Variants in PAK4 observed in about 807,000 individuals in gnomAD.
PAK4 encodes the protein serine/threonine-protein kinase PAK 4.
In PAK4, 49 loss-of-function variants were observed where a neutral mutation model predicts 53.5. That is an observed-to-expected ratio of 0.92 (90% CI 0.73 to 1.16). PAK4 has a LOEUF of 1.16. PAK4 is among the 50% of genes most tolerant of loss of function. PAK4 has a pLI of 0.00. For missense variants in PAK4, 824 were observed against 850.7 expected, an observed-to-expected ratio of 0.97 and a Z score of 0.39; for synonymous variants, 376 against 375.6, an observed-to-expected ratio of 1.00 and a Z score of -0.01.
intron 1 of PAK4, among the ~76,000 whole-genome samples, 185 bp downstream of exon 1, chr19:39,126,104 C>T (rs1268868115): frequency 6.6e-6 from 1 of 151,916 alleles, no homozygotes; most frequent in Non-Finnish European, 1.5e-5. Context: ...GAGATCAAAC[C>T]AGCGAAGGGG....
chr19:39,127,344 TC>T, intron 1 of PAK4, among the ~76,000 whole-genome samples: 1 of 152,160 alleles, frequency 6.6e-6, no homozygotes, highest in East Asian at 1.9e-4. Context: ...ACCTTCCTGT[TC>T]CTTCTGCTGG....
chr19:39,153,993 G>A lies in PAK4; in HGVS notation c.-22-15539G>A, dbSNP rs561283313. 1.5e-4 allele frequency among the ~76,000 whole-genome samples: 23 copies of A among 152,246 alleles called. No individual in the cohort carries two copies. The South Asian group carries it at 3.3e-3, about 22-fold the overall frequency. ...TGCCTGGCTTTGAACCTTAAAGTCC[G>A]AGGATGGAGTATTGTTCGATGTTTT... On this transcript the variant is annotated intron_variant, in intron 1 of 8. Coordinates refer to ENST00000358301, the Ensembl canonical transcript of PAK4.
At chr19:39,179,572 C>G (rs1471288008), downstream of PAK4, 1 of 152,080 alleles carries the variant, frequency 6.6e-6, no homozygotes, top group Admixed American at 6.6e-5. Context: ...TAAGCTCCCC[C>G]AGCCTGCCAC....
chr19:39,153,299 C>G (rs896962045), intron 1 of PAK4, among the ~76,000 whole-genome samples: 1 of 152,210 alleles, frequency 6.6e-6, no homozygotes, highest in African/African-American at 2.4e-5. Context: ...CACTCCATCA[C>G]CCAGGCTGAA....
intron 1 of PAK4, among the ~76,000 whole-genome samples, chr19:39,157,383 C>G (rs1430984135): frequency 2.0e-5 from 3 of 152,068 alleles, no homozygotes; most frequent in Non-Finnish European, 4.4e-5. Context: ...CTTTGGGAGT[C>G]TCTGCATCTC....
At chr19:39,157,161 G>A (rs2074198934) in intron 1 of PAK4, among the ~76,000 whole-genome samples, 1 of 152,086 alleles carries the variant, frequency 6.6e-6, no homozygotes, top group South Asian at 2.1e-4. Flanking sequence ...CCCTGGAGTT[G>A]ACTGGGTGTG....
rs1276541488 is a variant in PAK4, at chr19:39,175,488, G to A, written c.1359+50G>A. On this transcript the variant is annotated intron_variant, in intron 6 of 8. Coordinates refer to ENST00000358301, the Ensembl canonical transcript of PAK4. The surrounding 1 kb of genome is among the most constrained non-coding windows in gnomAD (Gnocchi z 4.7). ...GGGGGCGGCAGGTTTCCGGCTGCGG[G>A]GCTTCCCTGCCTCTTCCCATCCCCT... 1.3e-6 allele frequency: 2 copies of A among 1,544,026 alleles called. No homozygotes were observed. Among genetic ancestry groups the A allele is most frequent in the South Asian group, 2.4e-5 (2 of 83,528 alleles).
intron 1 of PAK4, among the ~76,000 whole-genome samples, chr19:39,167,099 C>T (rs1388789968): frequency 2.0e-5 from 3 of 152,216 alleles, no homozygotes; most frequent in African/African-American, 7.2e-5. Context: ...CTGCTCTTGC[C>T]CCGTCCCCAG....
intron 1 of PAK4, among the ~76,000 whole-genome samples, chr19:39,166,411 T>A (rs567175525): frequency 6.6e-6 from 1 of 152,298 alleles, no homozygotes; most frequent in South Asian, 2.1e-4. Context: ...ACCACTGCAC[T>A]CCAGCCTGGG....
chr19:39,147,443 C>A (rs563022922), intron 1 of PAK4, among the ~76,000 whole-genome samples: 4 of 152,294 alleles, frequency 2.6e-5, no homozygotes, highest in African/African-American at 9.6e-5. Context: ...CTATTACAGA[C>A]AAAGCCACTA....
intron 1 of PAK4, among the ~76,000 whole-genome samples, chr19:39,133,540 C>T (rs906453138): frequency 1.3e-5 from 2 of 152,124 alleles, no homozygotes; most frequent in African/African-American, 2.4e-5. Context: ...GGCTGGTAAT[C>T]GCTGTGGCCG....
At chr19:39,130,165 G>A in intron 1 of PAK4, among the ~76,000 whole-genome samples, 1 of 150,626 alleles carries the variant, frequency 6.6e-6, no homozygotes, top group Non-Finnish European at 1.5e-5. Context: ...GTGGGGTGGT[G>A]GGACCCAGGC....
chr19:39,165,371 C>T lies in PAK4; in HGVS notation c.-22-4161C>T, dbSNP rs899180212. On this transcript the variant is annotated intron_variant, in intron 1 of 8. Transcript: ENST00000358301. ...CAAAAAAAAAAAAAAAAAAATTAGC[C>T]GGGCATGGTGGTGGGCACCTATAGT... Among the ~76,000 whole-genome samples the T allele has an allele frequency of 2.6e-3, 378 of 147,680 alleles. 2 individuals are homozygous for T. The highest frequency in any genetic ancestry group is 9.1e-3 in the African/African-American group (366 of 40,440).
intron 1 of PAK4, among the ~76,000 whole-genome samples, chr19:39,128,144 C>T (rs780180551): frequency 6.6e-5 from 10 of 152,184 alleles, no homozygotes; most frequent in African/African-American, 1.2e-4. Context: ...TGAGGACCTC[C>T]GTTTCCACTT....
At chr19:39,171,343 G>A (rs769724519) in intron 2 of PAK4, among the ~76,000 whole-genome samples, 13 of 152,100 alleles carry the variant, frequency 8.5e-5, no homozygotes, top group African/African-American at 1.2e-4. Flanking sequence ...CGCGTAGCTG[G>A]GATTACAGGC....
At chr19:39,128,053 C>A (rs990264968) in intron 1 of PAK4, among the ~76,000 whole-genome samples, 1 of 152,086 alleles carries the variant, frequency 6.6e-6, no homozygotes, top group African/African-American at 2.4e-5. Context: ...CTGCCTGAGG[C>A]CTTGATGGAG....
chr19:39,172,313 G>A (rs769672143), intron 2 of PAK4, among the ~76,000 whole-genome samples: 35 of 152,112 alleles, frequency 2.3e-4, no homozygotes, highest in Admixed American at 6.5e-4. Context: ...ACAGAGGGTG[G>A]GGACCGGGTG....
chr19:39,137,787 C>G (rs2073842618), intron 1 of PAK4, among the ~76,000 whole-genome samples: 1 of 151,916 alleles, frequency 6.6e-6, no homozygotes, highest in Non-Finnish European at 1.5e-5. Flanking sequence ...CTGCCTCAGC[C>G]TCCGGAGTAG....
intron 1 of PAK4, among the ~76,000 whole-genome samples, chr19:39,133,014 A>G (rs970887874): frequency 6.6e-6 from 1 of 152,256 alleles, no homozygotes; most frequent in South Asian, 2.1e-4. Context: ...ACAGGCCAGC[A>G]GTCCCACAGC....
Sources: gnomAD v4.1 joint callset for allele counts (sites outside exome capture counted in the v4.1 genomes callset) on GRCh38, gnomAD v4.1.1 for gene constraint, Gnocchi (gnomAD v3.1) non-coding constraint, MANE v1.5 for transcripts, NCBI Gene and HGNC (gene_info 2026-07-23, HGNC 2026-07-21) for gene names.